Variants in WASF3 observed in about 807,000 individuals in gnomAD.
The protein encoded by WASF3 is actin-binding protein WASF3.
A neutral mutation model predicts 46.6 loss-of-function variants in WASF3; 11 were observed. That is an observed-to-expected ratio of 0.24 (90% confidence interval 0.15 to 0.39). The LOEUF is 0.39. Ranked by LOEUF, WASF3 falls within the 10% of genes least tolerant of loss-of-function variation. The probability of loss-of-function intolerance (pLI) is 1.00; values close to 1 mark genes in which losing one functional copy is unlikely to be tolerated. For synonymous variants in WASF3, 242 were observed against 259.7 expected (o/e 0.93, Z 0.65); for missense variants, 576 against 669.8 (o/e 0.86, Z 1.55).
At chr13:26,549,901 C>T in the WASF3 span, among the ~76,000 whole-genome samples, 5 of 152,068 alleles carry the variant, frequency 3.3e-5, no homozygotes, top group African/African-American at 9.7e-5. Context: ...TTCTTCCTGC[C>T]AAAAGCCCGG....
At chr13:26,590,762 C>A (rs1047647807) in intron 1 of WASF3, among the ~76,000 whole-genome samples, 1 of 152,196 alleles carries the variant, frequency 6.6e-6, no homozygotes, top group Non-Finnish European at 1.5e-5. Context: ...ATGCACTGAT[C>A]TGGGCACTGG....
chr13:26,614,813 A>G (rs1333777817), intron 2 of WASF3, among the ~76,000 whole-genome samples: 2 of 152,218 alleles, frequency 1.3e-5, no homozygotes, highest in Admixed American at 6.5e-5. Flanking sequence ...TACTGCTTTC[A>G]TATTTAGAAT....
intron 2 of WASF3, 36 bp from the exon 3 acceptor site, chr13:26,642,225 A>G: frequency 2.7e-6 from 4 of 1,473,368 alleles, no homozygotes; most frequent in East Asian, 5.0e-5. Flanking sequence ...TAAAATGTGA[A>G]TATGAGCTTA....
the WASF3 span, among the ~76,000 whole-genome samples, chr13:26,547,084 T>C: frequency 6.6e-6 from 1 of 151,766 alleles, no homozygotes; most frequent in Non-Finnish European, 1.5e-5. Flanking sequence ...ATTTAATAGA[T>C]ATCATGGTGG....
the WASF3 span, among the ~76,000 whole-genome samples, chr13:26,547,528 A>G: frequency 3.3e-5 from 5 of 151,760 alleles, no homozygotes; most frequent in Admixed American, 6.6e-5. Flanking sequence ...TTTGGTATCA[A>G]CTCTGTCTAG....
chr13:26,682,753 C>T lies in WASF3; in HGVS notation c.1130C>T (p.Ser377Phe), dbSNP rs372445710. 1.5e-5 allele frequency: 24 copies of T among 1,613,346 alleles called. No individual in the cohort carries two copies. The highest frequency in any genetic ancestry group is 1.9e-5 in the Non-Finnish European group (23 of 1,180,048). Residue 377 changes from serine (S) to phenylalanine (F), a missense_variant, in exon 9 of 10, where the codon TCC becomes TTC. Ser to Phe is a radical substitution (Grantham distance 155, BLOSUM62 -2). Transcript: ENST00000335327. This position sits in a 1 kb window ranked among gnomAD's most constrained non-coding sequence, Gnocchi z 4.4. ...CCCCCGTTCCCTGCATCAGCCAGCT[C>T]CACGCACGCAGCTCCTCCTCACCCA... ...MQPPFPASAS[S>F]THAAPPHPPS...
intron 1 of WASF3, chr13:26,576,953 A>G: frequency 1.3e-6 from 1 of 746,944 alleles, no homozygotes; most frequent in East Asian, 2.5e-5. Flanking sequence ...AAAGTGGTTG[A>G]TCCATTTTCT....
At chr13:26,608,777 T>C (rs914646524) in intron 1 of WASF3, among the ~76,000 whole-genome samples, 3 of 152,232 alleles carry the variant, frequency 2.0e-5, no homozygotes, top group Non-Finnish European at 4.4e-5. Context: ...GCTAGACATA[T>C]GCTTTTTGCT....
chr13:26,662,177 G>A (rs1285329719), intron 3 of WASF3, among the ~76,000 whole-genome samples: 2 of 152,230 alleles, frequency 1.3e-5, no homozygotes, highest in Non-Finnish European at 1.5e-5. Context: ...AGAGAAAAGG[G>A]AATGCTTACT....
At chr13:26,593,718 A>G (rs1470545068) in intron 1 of WASF3, among the ~76,000 whole-genome samples, 8 of 152,248 alleles carry the variant, frequency 5.3e-5, no homozygotes, top group Admixed American at 2.0e-4. Flanking sequence ...AGGTACTAGC[A>G]TATAGTAGGT....
At position 26,666,626 on chromosome 13, in the gene WASF3, G is replaced by A. The variant is rs575073212; in HGVS notation, c.269-891G>A. Among the ~76,000 whole-genome samples, 19 of 152,238 alleles carry A rather than the reference G, an allele frequency of 1.2e-4. 1 individual carries two copies. The highest frequency in any genetic ancestry group is 5.9e-4 in the Admixed American group (9 of 15,298). ...TGAAAGTCAGATGAGTTGGCTGGGCGCGGTGGCTCACGCCTGTAATCCCAG... is the reference window on the plus strand; with the variant it reads ...TGAAAGTCAGATGAGTTGGCTGGGCACGGTGGCTCACGCCTGTAATCCCAG... On this transcript the variant is annotated intron_variant, in intron 4 of 9. Coordinates refer to ENST00000335327, the MANE Select transcript of WASF3 (RefSeq NM_006646.6).
chr13:26,542,747 GGTTAA>G, the WASF3 span, among the ~76,000 whole-genome samples: 3 of 152,200 alleles, frequency 2.0e-5, no homozygotes, highest in East Asian at 1.9e-4. Context: ...ATTTTATCTG[GGTTAA>G]ACAGCACTCT....
At chr13:26,591,622 A>G (rs767693758) in intron 1 of WASF3, among the ~76,000 whole-genome samples, 6 of 152,248 alleles carry the variant, frequency 3.9e-5, no homozygotes, top group African/African-American at 4.8e-5. Context: ...TGGGCATGTT[A>G]TATTTCATAT....
chr13:26,677,535 CT>C (rs1220946653), intron 7 of WASF3, among the ~76,000 whole-genome samples: 1 of 152,130 alleles, frequency 6.6e-6, no homozygotes, highest in Non-Finnish European at 1.5e-5. Flanking sequence ...TATCTGTGCC[CT>C]TTTTTTCTAC....
At chr13:26,554,147 G>T (rs565407956), upstream of WASF3, among the ~76,000 whole-genome samples, 1 of 49,718 alleles carries the variant, frequency 2.0e-5, no homozygotes, top group South Asian at 7.8e-4. Flanking sequence ...TTCTTTCTTT[G>T]ACAGAGTCTT....
intron 3 of WASF3, 22 bp downstream of exon 3, chr13:26,642,425 T>C (rs1303556589): frequency 1.3e-6 from 2 of 1,567,916 alleles, no homozygotes; most frequent in Admixed American, 4.2e-5. Context: ...TTTTTCTGAT[T>C]ACCAATGACA....
intron 3 of WASF3, among the ~76,000 whole-genome samples, chr13:26,648,745 A>G (rs1246579470): frequency 6.6e-6 from 1 of 152,194 alleles, no homozygotes; most frequent in African/African-American, 2.4e-5. Context: ...TCTCATGAAC[A>G]AAGAAAGCCA....
rs979813818 is a variant in WASF3 at position 26,681,076 on chromosome 13, G to A, written c.739G>A (p.Asp247Asn). Residue 247 changes from aspartate to asparagine, a missense_variant, in exon 8 of 10, where the codon GAT (aspartate) becomes AAT (asparagine). By Grantham distance (23) the Asp-to-Asn change is conservative (BLOSUM62 1). This residue lies in a region of WASF3 where 295 missense variants were observed against 291.5 expected (regional missense o/e 1.01). Coordinates refer to ENST00000335327, the MANE Select transcript of WASF3 (RefSeq NM_006646.6). ...DTRSHASDVT[D>N]YSYPATPNHS... ...CAGGTCACATGCATCGGACGTTACG[G>A]ATTACTCTTACCCGGCTACTCCCAA... The A allele has an allele frequency of 6.2e-7, 1 of 1,613,608 alleles. No individual in the cohort carries two copies. The highest frequency in any genetic ancestry group is 8.5e-7 in the Non-Finnish European group (1 of 1,179,750).
chr13:26,606,321 C>CGTGT (rs60865367), intron 1 of WASF3, among the ~76,000 whole-genome samples: 6,469 of 131,956 alleles, frequency 0.049, 237 homozygotes, highest in Admixed American at 0.1. Context: ...TCTTTTTTTT[C>CGTGT]GTGTGTGTGT....
Sources: allele counts gnomAD v4.1 joint callset (sites outside exome capture counted in the v4.1 genomes callset), GRCh38; gene constraint gnomAD v4.1.1; regional missense constraint gnomAD v4.1.1; non-coding constraint Gnocchi (gnomAD v3.1); transcripts MANE v1.5; gene names NCBI Gene and HGNC (gene_info 2026-07-23, HGNC 2026-07-21).